TMPRSS11A: variants seen among roughly 807,000 people sequenced by gnomAD.
TMPRSS11A encodes transmembrane protease serine 11A.
TMPRSS11A carries 53 observed loss-of-function variants against 58.9 expected under a neutral mutation model. The ratio of observed to expected loss-of-function variants is 0.90; its 90% CI spans 0.72 to 1.13. The LOEUF (loss-of-function observed/expected upper bound fraction) is 1.13. Ranked by LOEUF, TMPRSS11A falls within the 50% of genes most tolerant of loss-of-function variation. The pLI, the probability that TMPRSS11A is intolerant of heterozygous loss-of-function variation, is 0.00. For synonymous variants in TMPRSS11A, 167 were observed against 169.8 expected (o/e 0.98, Z 0.13); for missense variants, 493 against 499.3 (o/e 0.99, Z 0.12).
chr4:67,915,524 A>T (rs1720121976), intron 8 of TMPRSS11A, among the ~76,000 whole-genome samples: 1 of 152,218 alleles, frequency 6.6e-6, no homozygotes, highest in Admixed American at 6.5e-5. Flanking sequence ...TTATATGGCC[A>T]AGATGAGGGA....
At chr4:67,961,658 A>C (rs960598324) in intron 1 of TMPRSS11A, among the ~76,000 whole-genome samples, 10 of 151,600 alleles carry the variant, frequency 6.6e-5, no homozygotes, top group Non-Finnish European at 1.3e-4. Flanking sequence ...CTACAGGTGC[A>C]TGCGCCACCA....
At chr4:67,944,057 G>A in intron 3 of TMPRSS11A, among the ~76,000 whole-genome samples, 1 of 152,080 alleles carries the variant, frequency 6.6e-6, no homozygotes, top group East Asian at 1.9e-4. Flanking sequence ...TACAAAATAA[G>A]TCTGGTTTTT....
chr4:67,960,643 T>A (rs1166670168), intron 1 of TMPRSS11A, among the ~76,000 whole-genome samples: 3 of 152,222 alleles, frequency 2.0e-5, no homozygotes, highest in African/African-American at 4.8e-5. Context: ...TAGTAATTAG[T>A]AACTAACATG....
rs186392457 is a variant in TMPRSS11A at position 67,944,149 on chromosome 4, T to C, written c.252+370A>G. On this transcript the variant is annotated intron_variant, in intron 3 of 9. Transcript: ENST00000508048. ...TAAAATGTGGTCTTACAAACAAGTG[T>C]GTGGACTTATAAAAACTAGTTTTGA... 1.1e-4 allele frequency among the ~76,000 whole-genome samples: 17 copies of C among 152,278 alleles called. No individual in the cohort carries two copies. In the East Asian group the frequency reaches 3.3e-3, roughly 29 times the overall value.
At chr4:67,928,006 G>T (rs1471909028) in intron 5 of TMPRSS11A, among the ~76,000 whole-genome samples, 1 of 152,142 alleles carries the variant, frequency 6.6e-6, no homozygotes, top group Admixed American at 6.5e-5. Context: ...TGGTCCTGTG[G>T]TGACTTAGTG....
intron 3 of TMPRSS11A, among the ~76,000 whole-genome samples, chr4:67,939,072 G>A (rs1238024183): frequency 6.6e-6 from 1 of 152,052 alleles, no homozygotes; most frequent in East Asian, 1.9e-4. Flanking sequence ...ATTCATTTGT[G>A]TCATCTCCGA....
Position 67,931,916 on chromosome 4 carries a change from A to G in TMPRSS11A, c.320+77T>C, listed in dbSNP as rs182309325. 4.6e-6 allele frequency: 4 copies of G among 862,994 alleles called. No homozygotes were observed. The Admixed American group carries it at 5.7e-5, about 12-fold the overall frequency. The allele number at this position is 862,994 out of a possible 1,614,324, so 53.5% of individuals were successfully genotyped here. A position where few individuals can be genotyped will look rare whatever the true frequency, so the allele number is the denominator to read the frequency against. On this transcript the variant is annotated intron_variant, in intron 4 of 9. Coordinates refer to ENST00000508048, the MANE Select transcript of TMPRSS11A (RefSeq NM_001114387.2). The stretch of plus-strand genomic sequence containing the variant: ...AAAAGCCTAGTCCATGGAGACATAC[A>G]ATACATGAGAGTCCCTGTCTCCTTT...
intron 3 of TMPRSS11A, among the ~76,000 whole-genome samples, chr4:67,939,670 T>C (rs1720833978): frequency 6.6e-6 from 1 of 151,994 alleles, no homozygotes; most frequent in Non-Finnish European, 1.5e-5. Context: ...TTGAGATGAT[T>C]GTATGATTTT....
At chr4:67,961,187 A>G (rs1341750546) in intron 1 of TMPRSS11A, among the ~76,000 whole-genome samples, 9 of 152,218 alleles carry the variant, frequency 5.9e-5, no homozygotes, top group African/African-American at 2.2e-4. Flanking sequence ...ATATTTGACA[A>G]GGCTTCCATA....
At chr4:67,946,960 T>TC (rs1721030822) in intron 1 of TMPRSS11A, among the ~76,000 whole-genome samples, 1 of 152,142 alleles carries the variant, frequency 6.6e-6, no homozygotes, top group Non-Finnish European at 1.5e-5. Context: ...ATCTCATTTA[T>TC]TTTTATCTTT....
chr4:67,959,491 A>G (rs553262222), intron 1 of TMPRSS11A, among the ~76,000 whole-genome samples: 3 of 152,342 alleles, frequency 2.0e-5, no homozygotes, highest in South Asian at 2.1e-4. Context: ...TGAAAAACTT[A>G]AATCAACAAA....
chr4:67,941,068 T>G (rs990162916), intron 3 of TMPRSS11A, among the ~76,000 whole-genome samples: 1 of 152,168 alleles, frequency 6.6e-6, no homozygotes, highest in Non-Finnish European at 1.5e-5. Flanking sequence ...AGATGAGATA[T>G]GTCTGCTCCA....
At chr4:67,957,855 T>G (rs1190891557) in intron 1 of TMPRSS11A, among the ~76,000 whole-genome samples, 18 of 152,004 alleles carry the variant, frequency 1.2e-4, no homozygotes, top group Non-Finnish European at 2.5e-4. Context: ...ATGGGCCAGG[T>G]CCAGGGTCCC....
chr4:67,929,084 C>A (rs1198602749), intron 5 of TMPRSS11A, among the ~76,000 whole-genome samples: 2 of 152,000 alleles, frequency 1.3e-5, no homozygotes, highest in Non-Finnish European at 2.9e-5. Flanking sequence ...TTAATTGGAG[C>A]CTTTTAAGAA....
intron 9 of TMPRSS11A, among the ~76,000 whole-genome samples, chr4:67,911,791 C>A (rs1423992752): frequency 6.6e-6 from 1 of 152,072 alleles, no homozygotes; most frequent in African/African-American, 2.4e-5. Context: ...TCCCATGTTA[C>A]CTCACGCAAG....
chr4:67,931,835 G>T (rs1025161149), intron 4 of TMPRSS11A, among the ~76,000 whole-genome samples, 158 bp downstream of exon 4: 2 of 152,092 alleles, frequency 1.3e-5, no homozygotes, highest in Non-Finnish European at 2.9e-5. Flanking sequence ...CAAAACGGTG[G>T]TCAGCCCTAT....
chr4:67,958,555 C>T (rs1445984976), intron 1 of TMPRSS11A, among the ~76,000 whole-genome samples: 1 of 152,176 alleles, frequency 6.6e-6, no homozygotes, highest in Admixed American at 6.5e-5. Context: ...AGTGCCTGTC[C>T]CTCTGTTGTA....
rs1720958078 is a variant in TMPRSS11A at position 67,944,610 on chromosome 4, G to A, written c.161C>T (p.Ser54Phe). 1.2e-6 allele frequency: 2 copies of A among 1,612,540 alleles called. No individual in the cohort carries two copies. Among genetic ancestry groups the A allele is most frequent in the African/African-American group, 1.3e-5 (1 of 74,848 alleles). ...FDQKKEYYHG[S>F]FKILDPQINN... ...GATTTGTGGATCTAAAATTTTAAAG[G>A]AGCCATGATAGTACTCCTTTTTTTG... The change falls in exon 3 of 10, where the codon TCC (serine) becomes TTC (phenylalanine). Residue 54 changes from serine (S) to phenylalanine (F), a missense_variant. Transcript: ENST00000508048.
At chr4:67,916,203 G>A (rs967672008) in intron 8 of TMPRSS11A, among the ~76,000 whole-genome samples, 5 of 151,942 alleles carry the variant, frequency 3.3e-5, no homozygotes, top group African/African-American at 1.2e-4. Context: ...AACACTCACA[G>A]TGTACATATA....
Sources: gnomAD v4.1 joint callset for allele counts (sites outside exome capture counted in the v4.1 genomes callset) on GRCh38, gnomAD v4.1.1 for gene constraint, MANE v1.5 for transcripts, NCBI Gene and HGNC (gene_info 2026-07-23, HGNC 2026-07-21) for gene names.